ZNF600: variants seen among roughly 807,000 people sequenced by gnomAD.
The protein encoded by ZNF600 is zinc finger protein 600.
A neutral mutation model predicts 7.3 loss-of-function variants in ZNF600; 4 were observed. That is an observed-to-expected ratio of 0.55 (90% CI 0.27 to 1.25). The LOEUF (loss-of-function observed/expected upper bound fraction) is 1.25, where lower values mean the gene tolerates loss of function less well. Among genes scored for constraint, ZNF600 ranks in the 50% most tolerant of loss-of-function variants. ZNF600 has a pLI of 0.12. For synonymous variants in ZNF600, 290 were observed against 308.9 expected (o/e 0.94, Z 0.64); for missense variants, 911 against 922.1 (o/e 0.99, Z 0.16).
At chr19:52,833,284 G>T in the ZNF600 span, among the ~76,000 whole-genome samples, 1 of 152,088 alleles carries the variant, frequency 6.6e-6, no homozygotes, top group East Asian at 1.9e-4. Flanking sequence ...TGACACCATG[G>T]GGCCCACACC....
chr19:52,767,096 A>G, exon 4 of ZNF600: 3 of 1,613,894 alleles, frequency 1.9e-6, no homozygotes, highest in Admixed American at 1.7e-5. Flanking sequence ...CACACTCATT[A>G]CACTTGTAAG....
At chr19:52,814,263 G>A in the ZNF600 span, 18 of 145,924 alleles carry the variant, frequency 1.2e-4, 2 homozygotes, top group African/African-American at 4.0e-4. Context: ...TATACACATC[G>A]TGTGATGTTT....
intron 2 of ZNF600, among the ~76,000 whole-genome samples, chr19:52,777,459 G>T (rs1470051594): frequency 2.6e-5 from 4 of 152,126 alleles, no homozygotes; most frequent in South Asian, 2.1e-4. Context: ...GAGGATCACT[G>T]GAGGCCAGGA....
the ZNF600 span, among the ~76,000 whole-genome samples, chr19:52,810,898 CCTCCCT>C: frequency 4.5e-3 from 57 of 12,654 alleles, 4 homozygotes; most frequent in Non-Finnish European, 8.1e-3. Context: ...TCCCCCTCCC[CCTCCCT>C]CTCCCTCTCC....
chr19:52,831,043 TG>T, the ZNF600 span, among the ~76,000 whole-genome samples: 1 of 152,022 alleles, frequency 6.6e-6, no homozygotes, highest in Non-Finnish European at 1.5e-5. Flanking sequence ...TGACCTGAGG[TG>T]AAAGCAGTTT....
At chr19:52,779,058 C>T (rs1470819490) in intron 1 of ZNF600, among the ~76,000 whole-genome samples, 151 bp from the exon 4 acceptor site, 1 of 152,214 alleles carries the variant, frequency 6.6e-6, no homozygotes, top group East Asian at 1.9e-4. Context: ...GAAAGTCCCA[C>T]AGGACGACCT....
the ZNF600 span, among the ~76,000 whole-genome samples, chr19:52,812,476 G>A: frequency 1.6e-5 from 2 of 122,778 alleles, no homozygotes; most frequent in Non-Finnish European, 3.3e-5. Flanking sequence ...CCCCAACCCT[G>A]TGCTCTCTGA....
chr19:52,826,709 A>G, the ZNF600 span, among the ~76,000 whole-genome samples: 1 of 151,920 alleles, frequency 6.6e-6, no homozygotes, highest in African/African-American at 2.4e-5. Flanking sequence ...CCATCTCAAA[A>G]AACAAACAAA....
At chr19:52,799,928 C>T in the ZNF600 span, 1 of 1,613,610 alleles carries the variant, frequency 6.2e-7, no homozygotes, top group Admixed American at 1.7e-5. Flanking sequence ...TCTTGCCACA[C>T]TCATTACACT....
At chr19:52,814,605 A>G in the ZNF600 span, among the ~76,000 whole-genome samples, 2 of 145,384 alleles carry the variant, frequency 1.4e-5, no homozygotes, top group East Asian at 2.0e-4. Context: ...GAAAAAAAAA[A>G]GCTGGGCGAG....
At chr19:52,777,097 T>C (rs2062681890) in intron 2 of ZNF600, among the ~76,000 whole-genome samples, 1 of 152,132 alleles carries the variant, frequency 6.6e-6, no homozygotes, top group South Asian at 2.1e-4. Flanking sequence ...AGTGCAGAGT[T>C]TGGCTAAGCG....
the ZNF600 span, among the ~76,000 whole-genome samples, chr19:52,822,440 C>T: frequency 2.0e-5 from 3 of 151,970 alleles, no homozygotes; most frequent in East Asian, 1.9e-4. Flanking sequence ...AAATCTTCCC[C>T]GAAATGAGAA....
At chr19:52,805,668 A>AAATAAATAAATG in the ZNF600 span, 1 of 151,402 alleles carries the variant, frequency 6.6e-6, no homozygotes, top group East Asian at 1.9e-4. Flanking sequence ...ATAAATAAAT[A>AAATAAATAAATG]AAGTTCTCCA....
upstream of ZNF600, among the ~76,000 whole-genome samples, chr19:52,789,853 G>A (rs1383836113): frequency 6.6e-6 from 1 of 152,186 alleles, no homozygotes; most frequent in East Asian, 1.9e-4. Context: ...GTGCAGGCGG[G>A]CTGAGTCCAA....
At chr19:52,808,348 G>T in the ZNF600 span, among the ~76,000 whole-genome samples, 2 of 152,222 alleles carry the variant, frequency 1.3e-5, no homozygotes, top group South Asian at 2.1e-4. Flanking sequence ...AAAAATTCAA[G>T]AAATAAATAA....
upstream of ZNF600, among the ~76,000 whole-genome samples, chr19:52,788,522 T>C (rs559987924): frequency 0.013 from 2,030 of 152,234 alleles, 22 homozygotes; most frequent in Non-Finnish European, 0.02. Flanking sequence ...ATAAAGATGG[T>C]TCTCTGCTGC....
At chr19:52,800,133 C>T in the ZNF600 span, 9 of 1,613,912 alleles carry the variant, frequency 5.6e-6, no homozygotes, top group Non-Finnish European at 6.8e-6. Context: ...AGTATGAATC[C>T]TCCTATGTCT....
downstream of ZNF600, chr19:52,764,450 G>A (rs2062552706): frequency 6.7e-6 from 1 of 150,130 alleles, no homozygotes. Context: ...GACCTTAGGT[G>A]ATCCACTCAC....
At chr19:52,821,003 C>A in the ZNF600 span, among the ~76,000 whole-genome samples, 15,205 of 151,758 alleles carry the variant, frequency 0.1, 1,013 homozygotes, top group South Asian at 0.19. Flanking sequence ...AGAGCTGGAG[C>A]TGGGCGGGCA....
Sources: allele counts gnomAD v4.1 joint callset (sites outside exome capture counted in the v4.1 genomes callset), GRCh38; gene constraint gnomAD v4.1.1; transcripts MANE v1.5; gene names NCBI Gene and HGNC (gene_info 2026-07-23, HGNC 2026-07-21).